The following SRGAP2C variants were observed in gnomAD, a reference collection of about 807,000 sequenced individuals.
The protein encoded by SRGAP2C is SLIT-ROBO Rho GTPase activating protein 2C, also known as SLIT-ROBO Rho GTPase-activating protein 2C.
In SRGAP2C, 15 loss-of-function variants were observed where a neutral mutation model predicts 25.1. The observed-to-expected ratio is 0.60, with a 90% CI of 0.40 to 0.92. The LOEUF (loss-of-function observed/expected upper bound fraction) is 0.92. Among genes scored for constraint, SRGAP2C ranks in the 40% least tolerant of loss-of-function variants. The pLI is 0.00. For synonymous variants in SRGAP2C, 44 were observed against 96.6 expected, an observed-to-expected ratio of 0.46 and a Z score of 3.19; for missense variants, 144 against 264.4, an observed-to-expected ratio of 0.54 and a Z score of 3.16.
intron 2 of SRGAP2C, among the ~76,000 whole-genome samples, chr1:121,279,775 G>T (rs2101561824): frequency 7.0e-6 from 1 of 142,230 alleles, no homozygotes; most frequent in Admixed American, 7.1e-5. Flanking sequence ...GACATCGTTT[G>T]GAAATGGTGA....
At chr1:121,271,246 A>G (rs1307692157) in intron 2 of SRGAP2C, among the ~76,000 whole-genome samples, 3 of 148,584 alleles carry the variant, frequency 2.0e-5, no homozygotes, top group Non-Finnish European at 4.5e-5. Context: ...CCAAAGGTAC[A>G]GTGAATGATG....
chr1:121,196,214 T>G (rs1654827579), intron 2 of SRGAP2C, among the ~76,000 whole-genome samples: 1 of 49,308 alleles, frequency 2.0e-5, no homozygotes, highest in Non-Finnish European at 3.6e-5. Context: ...ACCCAGGAGT[T>G]GGAGGTTGCT....
At chr1:121,365,674 C>T (rs1271274314) in intron 5 of SRGAP2C, among the ~76,000 whole-genome samples, 1 of 92,028 alleles carries the variant, frequency 1.1e-5, no homozygotes, top group African/African-American at 3.9e-5. Flanking sequence ...AACCAGGGAC[C>T]CTGAACTAAT....
chr1:121,258,342 G>A (rs1163222862), intron 2 of SRGAP2C, among the ~76,000 whole-genome samples: 4 of 151,358 alleles, frequency 2.6e-5, no homozygotes, highest in African/African-American at 4.9e-5. Context: ...AGCAAGCTGC[G>A]GATTCTGAAT....
chr1:121,315,609 T>G (rs1288469428), intron 3 of SRGAP2C, among the ~76,000 whole-genome samples: 4 of 150,676 alleles, frequency 2.7e-5, no homozygotes, highest in Admixed American at 6.6e-5. Flanking sequence ...TATGCTGTAA[T>G]TTAGAGCACA....
chr1:121,345,781 A>G (rs587614452), intron 4 of SRGAP2C, among the ~76,000 whole-genome samples: 126 of 150,590 alleles, frequency 8.4e-4, no homozygotes, highest in Admixed American at 1.9e-3. Context: ...CCTCCTGAGT[A>G]GCTGGGATTA....
intron 5 of SRGAP2C, among the ~76,000 whole-genome samples, chr1:121,366,835 C>A (rs1490035025): frequency 1.3e-5 from 2 of 150,724 alleles, no homozygotes; most frequent in Admixed American, 6.6e-5. Flanking sequence ...AACCAACAAA[C>A]CTTGCCACTT....
At chr1:121,340,426 C>G (rs1658625354) in intron 4 of SRGAP2C, among the ~76,000 whole-genome samples, 3 of 151,128 alleles carry the variant, frequency 2.0e-5, no homozygotes, top group Admixed American at 6.6e-5. Context: ...ATAACCACTA[C>G]CAACCCATTC....
chr1:121,212,417 A>T (rs1181238766), intron 2 of SRGAP2C, among the ~76,000 whole-genome samples: 1 of 152,130 alleles, frequency 6.6e-6, no homozygotes, highest in Non-Finnish European at 1.5e-5. Flanking sequence ...GGGGTGAGCC[A>T]CCATACCCAG....
intron 8 of SRGAP2C, among the ~76,000 whole-genome samples, chr1:121,383,315 G>A (rs1306933033): frequency 2.7e-5 from 4 of 149,222 alleles, no homozygotes; most frequent in Admixed American, 2.0e-4. Context: ...GGAGGGGGGC[G>A]CTCCCAGTGG....
intron 2 of SRGAP2C, among the ~76,000 whole-genome samples, chr1:121,255,353 A>T (rs1408595598): frequency 3.3e-5 from 5 of 151,916 alleles, no homozygotes; most frequent in Non-Finnish European, 5.9e-5. Context: ...AAGTGCTTCT[A>T]CAATGGGATA....
chr1:121,372,286 T>G (rs1193614249), intron 5 of SRGAP2C, among the ~76,000 whole-genome samples: 1 of 152,204 alleles, frequency 6.6e-6, no homozygotes, highest in African/African-American at 2.4e-5. Flanking sequence ...AAGCTAGATT[T>G]TCTCAACGTC....
intron 3 of SRGAP2C, among the ~76,000 whole-genome samples, chr1:121,299,362 G>A (rs1171092529): frequency 1.4e-5 from 2 of 147,196 alleles, no homozygotes. Flanking sequence ...GAAAGATTTA[G>A]AGAGAATGAA....
intron 5 of SRGAP2C, 22 bp downstream of exon 5, chr1:121,365,377 G>A: frequency 2.5e-6 from 1 of 392,534 alleles, no homozygotes; most frequent in South Asian, 2.3e-5. Flanking sequence ...GGGTTGCTTG[G>A]CTCTTTAACA....
At chr1:121,204,600 T>G (rs1360466644) in intron 2 of SRGAP2C, among the ~76,000 whole-genome samples, 1 of 152,230 alleles carries the variant, frequency 6.6e-6, no homozygotes, top group Non-Finnish European at 1.5e-5. Flanking sequence ...ACAACTCTTT[T>G]AGGCCATCTT....
chr1:121,235,547 C>T (rs1460491831), intron 2 of SRGAP2C, among the ~76,000 whole-genome samples: 1 of 31,118 alleles, frequency 3.2e-5, no homozygotes, highest in African/African-American at 2.9e-4. Context: ...TATTACCCCT[C>T]ATATCCTAGT....
intron 2 of SRGAP2C, among the ~76,000 whole-genome samples, chr1:121,270,285 C>T (rs1656910205): frequency 6.6e-6 from 1 of 151,948 alleles, no homozygotes; most frequent in Non-Finnish European, 1.5e-5. Flanking sequence ...GCTACTTTAT[C>T]TTCAGGCCTT....
intron 2 of SRGAP2C, among the ~76,000 whole-genome samples, chr1:121,263,386 A>G (rs28625214): frequency 0.66 from 90,939 of 138,082 alleles, 30,401 homozygotes; most frequent in East Asian, 0.79. Flanking sequence ...AGCAGAGATC[A>G]CACCACTGCA....
At chr1:121,366,672 G>A (rs186857498) in intron 5 of SRGAP2C, among the ~76,000 whole-genome samples, 1 of 151,750 alleles carries the variant, frequency 6.6e-6, no homozygotes, top group East Asian at 2.0e-4. Flanking sequence ...CAATTTCTAA[G>A]TGCCAAGAAG....
Sources: allele counts gnomAD v4.1 joint callset (sites outside exome capture counted in the v4.1 genomes callset), GRCh38; gene constraint gnomAD v4.1.1; transcripts MANE v1.5; gene names NCBI Gene and HGNC (gene_info 2026-07-23, HGNC 2026-07-21).